The following MYZAP variants were observed in gnomAD, a reference collection of about 807,000 sequenced individuals.
MYZAP encodes myocardial zonula adherens protein.
A neutral mutation model predicts 69.4 loss-of-function variants in MYZAP; 66 were observed. The ratio of observed to expected loss-of-function variants is 0.95; its 90% CI spans 0.78 to 1.17. The LOEUF (loss-of-function observed/expected upper bound fraction) is 1.17, where lower values mean the gene tolerates loss of function less well. MYZAP is among the 50% of genes most tolerant of loss of function. The probability of loss-of-function intolerance (pLI) is 0.00; values close to 1 mark genes in which losing one functional copy is unlikely to be tolerated. For synonymous variants in MYZAP, 256 were observed against 205.9 expected (o/e 1.24, Z -2.09); for missense variants, 611 against 556.2 (o/e 1.10, Z -0.99).
intron 1 of MYZAP, among the ~76,000 whole-genome samples, chr15:57,598,431 C>T (rs1165001360): frequency 2.6e-5 from 4 of 152,176 alleles, no homozygotes; most frequent in African/African-American, 9.7e-5. Context: ...GAAAAAACTA[C>T]AAAACCCAAC....
At chr15:57,644,621 T>A (rs1436119469) in intron 10 of MYZAP, among the ~76,000 whole-genome samples, 2 of 151,706 alleles carry the variant, frequency 1.3e-5, no homozygotes, top group Non-Finnish European at 2.9e-5. Context: ...ATTTTTGTAT[T>A]ACTGTTATTA....
Position 57,591,965 on chromosome 15 carries a change from C to T in MYZAP, c.-70C>T, listed in dbSNP as rs533865982. 15 of 1,293,166 alleles carry T rather than the reference C, an allele frequency of 1.2e-5. No homozygotes were observed. The highest frequency in any genetic ancestry group is 7.8e-5 in the African/African-American group (5 of 64,202). The allele number at this position is 1,293,166 out of a possible 1,614,324, so 80.1% of individuals were successfully genotyped here. A position where few individuals can be genotyped will look rare whatever the true frequency, so the allele number is the denominator to read the frequency against. ...CGTCCCGCGTCGCCCCCGCGCAGGG[C>T]GGGCCCCGCACGCTTATTCTGCCCG... On this transcript the variant is annotated 5_prime_UTR_variant, in exon 1 of 13. Transcript: ENST00000267853.
At chr15:57,634,298 G>A (rs531310980) in intron 8 of MYZAP, among the ~76,000 whole-genome samples, 2 of 152,194 alleles carry the variant, frequency 1.3e-5, no homozygotes, top group South Asian at 4.2e-4. Context: ...GGGAGGAAGT[G>A]GTGGGAGAAA....
intron 1 of MYZAP, among the ~76,000 whole-genome samples, chr15:57,602,851 T>A (rs1365001987): frequency 6.6e-6 from 1 of 152,214 alleles, no homozygotes; most frequent in Non-Finnish European, 1.5e-5. Flanking sequence ...AATAAATACC[T>A]GTAAAACACT....
intron 1 of MYZAP, among the ~76,000 whole-genome samples, chr15:57,600,337 G>A (rs1395601559): frequency 1.3e-5 from 2 of 152,228 alleles, no homozygotes; most frequent in African/African-American, 4.8e-5. Flanking sequence ...ACAGGGTGCT[G>A]CAGTAGCCTC....
At chr15:57,635,352 C>T (rs1567220020) in intron 8 of MYZAP, among the ~76,000 whole-genome samples, 2 of 152,180 alleles carry the variant, frequency 1.3e-5, no homozygotes, top group Admixed American at 6.5e-5. Flanking sequence ...ACGAGGTTGC[C>T]TAAATGTCTA....
At chr15:57,638,234 T>C (rs2036929390) in intron 9 of MYZAP, among the ~76,000 whole-genome samples, 1 of 152,210 alleles carries the variant, frequency 6.6e-6, no homozygotes, top group South Asian at 2.1e-4. Context: ...TAGTACGCTG[T>C]CTGTTCTAGA....
At chr15:57,647,260 AT>A in intron 10 of MYZAP, 1 of 985,436 alleles carries the variant, frequency 1.0e-6, no homozygotes, top group African/African-American at 1.7e-5. Context: ...AACCATTAAT[AT>A]TGTTCACCTG....
Position 57,684,419 on chromosome 15 carries a change from G to T in MYZAP, c.1322G>T (p.Arg441Leu), listed in dbSNP as rs143118005. Residue 441 changes from arginine to leucine, a missense_variant, in exon 13 of 13, where the codon CGT becomes CTT. Transcript: ENST00000267853. ...TTTCTCAGCCAAACAGGCAGGACTC[G>T]TGAAATTGTGATGCCTTCTAGGAAC... ...DLLPSQTGRT[R>L]EIVMPSRNYT... 1.2e-6 allele frequency: 2 copies of T among 1,612,640 alleles called. No homozygotes were observed. Among genetic ancestry groups the T allele is most frequent in the Admixed American group, 1.7e-5 (1 of 59,810 alleles).
intron 11 of MYZAP, among the ~76,000 whole-genome samples, chr15:57,673,330 G>A (rs1369517466): frequency 6.6e-6 from 1 of 152,122 alleles, no homozygotes; most frequent in African/African-American, 2.4e-5. Flanking sequence ...TGGTATTACT[G>A]GAGTATCCAG....
intron 5 of MYZAP, among the ~76,000 whole-genome samples, chr15:57,627,338 G>T (rs910970989): frequency 7.6e-6 from 1 of 131,898 alleles, no homozygotes; most frequent in Non-Finnish European, 1.6e-5. Context: ...AGCTAAAACC[G>T]CTGAGAGAAA....
chr15:57,646,111 A>G (rs1456428669), intron 10 of MYZAP: 3 of 1,282,252 alleles, frequency 2.3e-6, no homozygotes, highest in South Asian at 2.5e-5. Flanking sequence ...CCACAAACCT[A>G]ATCCACTCAA....
At chr15:57,649,249 T>G (rs946838115) in intron 10 of MYZAP, among the ~76,000 whole-genome samples, 2 of 152,332 alleles carry the variant, frequency 1.3e-5, no homozygotes, top group South Asian at 2.1e-4. Context: ...GGGCATGGGA[T>G]TGGCATAATT....
intron 12 of MYZAP, among the ~76,000 whole-genome samples, chr15:57,678,873 T>TG (rs1440747359): frequency 3.3e-5 from 5 of 151,622 alleles, no homozygotes; most frequent in Non-Finnish European, 7.4e-5. Context: ...TTGTCTTGTG[T>TG]GAAAAAAAAA....
At chr15:57,657,733 C>T (rs925830189) in intron 10 of MYZAP, among the ~76,000 whole-genome samples, 13 of 151,958 alleles carry the variant, frequency 8.6e-5, no homozygotes, top group South Asian at 6.2e-4. Flanking sequence ...GAGCTTTTTC[C>T]TATGTTTGAA....
At chr15:57,614,647 A>G (rs772535258) in intron 2 of MYZAP, among the ~76,000 whole-genome samples, 3 of 152,172 alleles carry the variant, frequency 2.0e-5, no homozygotes, top group Non-Finnish European at 4.4e-5. Context: ...AGAGCCCCCC[A>G]TCCTGGGCCT....
intron 10 of MYZAP, among the ~76,000 whole-genome samples, chr15:57,641,581 A>C (rs1330670022): frequency 2.0e-5 from 3 of 152,184 alleles, no homozygotes; most frequent in African/African-American, 7.2e-5. Flanking sequence ...GCTAAAATTT[A>C]GGATGCCATC....
chr15:57,642,888 TG>T (rs1261513078), intron 10 of MYZAP, among the ~76,000 whole-genome samples: 1 of 152,200 alleles, frequency 6.6e-6, no homozygotes, highest in Non-Finnish European at 1.5e-5. Flanking sequence ...GGGCTCATGG[TG>T]GGGGTGAGCC....
At chr15:57,646,249 A>G in intron 10 of MYZAP, 2 of 1,288,480 alleles carry the variant, frequency 1.6e-6, no homozygotes, top group Non-Finnish European at 2.0e-6. Flanking sequence ...GATTAGAAGA[A>G]CACTTGTACA....
Sources: gnomAD v4.1 joint callset for allele counts (sites outside exome capture counted in the v4.1 genomes callset) on GRCh38, gnomAD v4.1.1 for gene constraint, MANE v1.5 for transcripts, NCBI Gene and HGNC (gene_info 2026-07-23, HGNC 2026-07-21) for gene names.